Variants in PCDH11X observed in about 807,000 individuals in gnomAD.
PCDH11X encodes the protein protocadherin-11 X-linked.
In PCDH11X, 18 loss-of-function variants were observed where a neutral mutation model predicts 53.3. The observed-to-expected ratio is 0.34, with a 90% CI of 0.23 to 0.50. The LOEUF is 0.50. Ranked by LOEUF, PCDH11X falls within the 20% of genes least tolerant of loss-of-function variation. The pLI is 0.98. For synonymous variants in PCDH11X, 279 were observed against 393.3 expected (o/e 0.71, Z 3.44); for missense variants, 570 against 1,032.4 (o/e 0.55, Z 6.14).
chrX:92,005,588 T>C (rs1247090510), intron 6 of PCDH11X, among the ~76,000 whole-genome samples: 1 of 112,254 alleles, frequency 8.9e-6, no homozygotes, highest in Non-Finnish European at 1.9e-5. Context: ...AGTTATTATT[T>C]TTGATGGGTT....
chrX:91,963,686 T>G (rs1388381579), intron 6 of PCDH11X, among the ~76,000 whole-genome samples: 1 of 111,376 alleles, frequency 9.0e-6, no homozygotes, highest in Admixed American at 9.5e-5. Flanking sequence ...TGGTACCAAT[T>G]TACTGTATTA....
At chrX:92,156,479 A>G (rs2065539245) in intron 6 of PCDH11X, among the ~76,000 whole-genome samples, 1 of 111,900 alleles carries the variant, frequency 8.9e-6, no homozygotes. Context: ...AATGCACTCC[A>G]TATAATCTTT....
intron 6 of PCDH11X, among the ~76,000 whole-genome samples, chrX:92,078,361 G>A (rs35371521): frequency 9.0e-6 from 1 of 111,344 alleles, no homozygotes; most frequent in Non-Finnish European, 1.9e-5. Flanking sequence ...TACAGAGAAT[G>A]TATGCATTTT....
At chrX:92,254,740 C>G in intron 7 of PCDH11X, among the ~76,000 whole-genome samples, 1 of 108,454 alleles carries the variant, frequency 9.2e-6, no homozygotes, top group East Asian at 3.0e-4. Flanking sequence ...GTTGAAAATT[C>G]TTTTCTTTAA....
intron 8 of PCDH11X, among the ~76,000 whole-genome samples, chrX:92,300,602 C>T (rs933347368): frequency 7.2e-5 from 8 of 110,599 alleles, no homozygotes; most frequent in African/African-American, 2.3e-4. Flanking sequence ...CTCAGCCTCC[C>T]GAGTAGCTGG....
rs756914554 is a variant in PCDH11X at position 91,927,130 on chromosome X, G to A, written c.3033+47857G>A. Among the ~76,000 whole-genome samples the A allele has an allele frequency of 5.6e-3, 602 of 108,463 alleles. 4 individuals are homozygous for A. Among genetic ancestry groups the A allele is most frequent in the African/African-American group, 0.018 (554 of 30,022 alleles). The allele number at this position is 108,463 out of a possible 115,157, so 94.2% of individuals were successfully genotyped here. On this transcript the variant is annotated intron_variant, in intron 6 of 10. Transcript: ENST00000682573. ...TCTAAATAATCTAGATAGATAATGT[G>A]CTAAATAATACACTCACATGCACAC...
intron 10 of PCDH11X, among the ~76,000 whole-genome samples, chrX:92,475,164 C>CAAAAAAAA (rs761171281): frequency 2.3e-4 from 7 of 30,539 alleles, no homozygotes; most frequent in African/African-American, 6.6e-4. Flanking sequence ...GACTCCGTCT[C>CAAAAAAAA]AAAAAAAAAA....
chrX:92,008,642 T>C (rs1293976837), intron 6 of PCDH11X, among the ~76,000 whole-genome samples: 2 of 109,154 alleles, frequency 1.8e-5, no homozygotes, highest in Admixed American at 2.0e-4. Context: ...TTTTTTTTTT[T>C]CCTGTATAGA....
chrX:92,054,839 A>G (rs1172324869), intron 6 of PCDH11X, among the ~76,000 whole-genome samples: 5 of 107,386 alleles, frequency 4.7e-5, no homozygotes, highest in African/African-American at 6.7e-5. Flanking sequence ...AAAAAAAAAA[A>G]AAAAAGAAAA....
At chrX:91,947,404 C>A (rs1300357492) in intron 6 of PCDH11X, among the ~76,000 whole-genome samples, 1 of 101,408 alleles carries the variant, frequency 9.9e-6, no homozygotes, top group Non-Finnish European at 2.0e-5. Context: ...ATGTGTTTTG[C>A]ATACATACAC....
At chrX:92,477,887 G>A (rs1467100351) in intron 10 of PCDH11X, among the ~76,000 whole-genome samples, 1 of 104,866 alleles carries the variant, frequency 9.5e-6, no homozygotes, top group African/African-American at 3.5e-5. Flanking sequence ...CTGTATGAGT[G>A]TACCTAGAAA....
chrX:92,177,495 CCTGTTTCTTAACAGACAATAAAAG>C (rs1457658961), intron 6 of PCDH11X, among the ~76,000 whole-genome samples: 1 of 111,811 alleles, frequency 8.9e-6, no homozygotes, highest in Non-Finnish European at 1.9e-5. Flanking sequence ...CTTGAGATGG[CCTGTTTCTTAACAGACAATAAAAG>C]TTACAATTGC....
At chrX:92,360,704 G>A (rs775492464) in intron 8 of PCDH11X, among the ~76,000 whole-genome samples, 1 of 110,924 alleles carries the variant, frequency 9.0e-6, no homozygotes, top group African/African-American at 3.3e-5. Context: ...AAAAGACATT[G>A]CATACAACTA....
At chrX:92,554,778 A>G (rs1214188385) in intron 10 of PCDH11X, among the ~76,000 whole-genome samples, 4 of 110,073 alleles carry the variant, frequency 3.6e-5, no homozygotes, top group African/African-American at 1.3e-4. Flanking sequence ...TCTATATGGC[A>G]TATTCTTCTC....
At chrX:92,120,158 T>TC (rs2064727637) in intron 6 of PCDH11X, among the ~76,000 whole-genome samples, 2 of 67,362 alleles carry the variant, frequency 3.0e-5, no homozygotes, top group African/African-American at 1.4e-4. Context: ...TTTCTTTCTT[T>TC]TTTTTTTTTT....
chrX:91,891,573 G>A (rs1324257953), intron 6 of PCDH11X, among the ~76,000 whole-genome samples: 10 of 101,516 alleles, frequency 9.9e-5, no homozygotes, highest in African/African-American at 3.7e-4. Context: ...TTAGTTTCGT[G>A]CGTTTTATTG....
intron 8 of PCDH11X, among the ~76,000 whole-genome samples, chrX:92,322,407 T>C (rs771883676): frequency 7.2e-5 from 8 of 111,252 alleles, no homozygotes; most frequent in Admixed American, 2.9e-4. Context: ...AAAAAAGTTA[T>C]TTTTATCATC....
In PCDH11X at chrX:91,835,764, C is replaced by A. The variant is rs1937273197; in HGVS notation, c.260C>A (p.Thr87Asn). The part of the protein sequence containing the change: ...IEEDTGEIFT[T>N]GARIDREKLC... ...GAGGATACTGGTGAGATCTTCACTA[C>A]TGGCGCTCGCATTGATCGTGAGAAA... Residue 87 changes from threonine to asparagine, a missense_variant, in exon 5 of 11, where the codon ACT becomes AAT. Thr to Asn is a moderately conservative substitution (Grantham distance 65). This residue lies in a region of PCDH11X where 84 missense variants were observed against 142.0 expected (regional missense o/e 0.59). Coordinates refer to ENST00000682573, the MANE Select transcript of PCDH11X (RefSeq NM_032968.5). 4.1e-6 allele frequency: 5 copies of A among 1,211,634 alleles called. No homozygotes were observed. Among genetic ancestry groups the A allele is most frequent in the Non-Finnish European group, 4.5e-6 (4 of 895,431 alleles).
chrX:91,789,200 C>CAAAAAAAAAAAAAAAAAAAAAAAAA (rs764959497), intron 1 of PCDH11X, among the ~76,000 whole-genome samples: 5 of 47,215 alleles, frequency 1.1e-4, no homozygotes, highest in African/African-American at 1.4e-4. Context: ...GACTCCGTCT[C>CAAAAAAAAAAAAAAAAAAAAAAAAA]AAAAAAAAAA....
Sources: allele counts gnomAD v4.1 joint callset (sites outside exome capture counted in the v4.1 genomes callset), GRCh38; gene constraint gnomAD v4.1.1; regional missense constraint gnomAD v4.1.1; transcripts MANE v1.5; gene names NCBI Gene and HGNC (gene_info 2026-07-23, HGNC 2026-07-21).